Variants in DACH2 observed in about 807,000 individuals in gnomAD.
DACH2 encodes the protein dachshund homolog 2.
Under a neutral mutation model 35.8 loss-of-function variants are expected in DACH2, and 17 were observed. The observed-to-expected ratio is 0.48, with a 90% CI of 0.33 to 0.71. The LOEUF (loss-of-function observed/expected upper bound fraction) is 0.71, where lower values mean the gene tolerates loss of function less well. Ranked by LOEUF, DACH2 falls within the 30% of genes least tolerant of loss-of-function variation. The pLI, the probability that DACH2 is intolerant of heterozygous loss-of-function variation, is 0.02. For missense variants in DACH2, 469 were observed against 472.7 expected, an observed-to-expected ratio of 0.99 and a Z score of 0.07; for synonymous variants, 195 against 177.3, an observed-to-expected ratio of 1.10 and a Z score of -0.79.
intron 7 of DACH2, among the ~76,000 whole-genome samples, chrX:86,766,241 G>A (rs2041933645): frequency 9.0e-6 from 1 of 111,545 alleles, no homozygotes; most frequent in South Asian, 3.7e-4. Context: ...TCTGTTAAAA[G>A]TTCGTAAATC....
intron 1 of DACH2, among the ~76,000 whole-genome samples, chrX:86,198,140 TG>T (rs1281384066): frequency 3.6e-5 from 4 of 111,892 alleles, no homozygotes; most frequent in African/African-American, 1.3e-4. Context: ...ACATGGAAAT[TG>T]AATAACCTGC....
chrX:86,535,471 G>A (rs1169202505), intron 3 of DACH2, among the ~76,000 whole-genome samples: 1 of 111,474 alleles, frequency 9.0e-6, no homozygotes, highest in Non-Finnish European at 1.9e-5. Flanking sequence ...TGGGAAGCAG[G>A]GGTCAGGATG....
chrX:86,475,151 G>C (rs754865670), intron 2 of DACH2, among the ~76,000 whole-genome samples: 1 of 110,979 alleles, frequency 9.0e-6, no homozygotes, highest in African/African-American at 3.3e-5. Context: ...GGATAGTTTT[G>C]GTTATTCTGG....
At chrX:86,302,024 A>G (rs1290242947) in intron 1 of DACH2, among the ~76,000 whole-genome samples, 2 of 111,888 alleles carry the variant, frequency 1.8e-5, no homozygotes, top group Non-Finnish European at 3.8e-5. Context: ...TATCTGGGAA[A>G]GTTTTGACTT....
At chrX:86,750,081 T>C (rs1176798585) in intron 7 of DACH2, among the ~76,000 whole-genome samples, 1 of 111,354 alleles carries the variant, frequency 9.0e-6, no homozygotes, top group Non-Finnish European at 1.9e-5. Flanking sequence ...TATATGCCTT[T>C]TATTTCTATT....
chrX:86,465,155 G>A (rs1415500971), intron 2 of DACH2, among the ~76,000 whole-genome samples: 1 of 111,653 alleles, frequency 9.0e-6, no homozygotes, highest in Non-Finnish European at 1.9e-5. Context: ...TTCACAAATG[G>A]GGATTTTTGT....
intron 1 of DACH2, among the ~76,000 whole-genome samples, chrX:86,280,752 G>A (rs1359918622): frequency 1.8e-5 from 2 of 111,785 alleles, no homozygotes; most frequent in East Asian, 5.6e-4. Flanking sequence ...AAGGGATAGA[G>A]GAATATTTAC....
At chrX:86,175,303 T>TC (rs1490106302) in intron 1 of DACH2, among the ~76,000 whole-genome samples, 1 of 112,207 alleles carries the variant, frequency 8.9e-6, no homozygotes. Flanking sequence ...TGTTAATAAG[T>TC]CACATGAGAA....
At chrX:86,610,240 C>T (rs2039912361) in intron 3 of DACH2, among the ~76,000 whole-genome samples, 1 of 111,190 alleles carries the variant, frequency 9.0e-6, no homozygotes, top group African/African-American at 3.3e-5. Context: ...CCACAGCTAC[C>T]TCAGCCCCAT....
intron 6 of DACH2, among the ~76,000 whole-genome samples, chrX:86,729,561 G>A (rs1350691487): frequency 9.0e-6 from 1 of 111,279 alleles, no homozygotes; most frequent in Non-Finnish European, 1.9e-5. Flanking sequence ...GGGGTGTCTA[G>A]GGGTGGAATG....
intron 2 of DACH2, among the ~76,000 whole-genome samples, chrX:86,445,008 T>C (rs1308595987): frequency 9.0e-6 from 1 of 111,044 alleles, no homozygotes; most frequent in Non-Finnish European, 1.9e-5. Context: ...ATGGAATGCT[T>C]ATCAGAAAGG....
chrX:86,379,502 A>G (rs1235080991), intron 2 of DACH2, among the ~76,000 whole-genome samples: 1 of 110,474 alleles, frequency 9.1e-6, no homozygotes, highest in Non-Finnish European at 1.9e-5. Context: ...TAGGAAAAAA[A>G]AAAGAAAGAA....
chrX:86,616,262 A>T (rs1030037101), intron 3 of DACH2, among the ~76,000 whole-genome samples: 22 of 111,783 alleles, frequency 2.0e-4, no homozygotes, highest in African/African-American at 7.2e-4. Flanking sequence ...TAGTAGAAAG[A>T]TTTATATTCC....
chrX:86,436,702 A>T (rs2037073278), intron 2 of DACH2, among the ~76,000 whole-genome samples: 2 of 111,613 alleles, frequency 1.8e-5, no homozygotes, highest in South Asian at 7.4e-4. Flanking sequence ...AGAAAAGATT[A>T]TAGAGAATTG....
At chrX:86,663,844 A>C (rs1464125350) in intron 4 of DACH2, among the ~76,000 whole-genome samples, 1 of 111,651 alleles carries the variant, frequency 9.0e-6, no homozygotes, top group Admixed American at 9.5e-5. Flanking sequence ...CTCTAGCTGC[A>C]TCATAAATGG....
At chrX:86,567,784 A>C in intron 3 of DACH2, among the ~76,000 whole-genome samples, 1 of 111,155 alleles carries the variant, frequency 9.0e-6, no homozygotes, top group African/African-American at 3.3e-5. Context: ...TGAGTTTTTT[A>C]AAAGTCCACA....
intron 1 of DACH2, among the ~76,000 whole-genome samples, chrX:86,358,665 A>G (rs958848514): frequency 8.1e-5 from 9 of 111,607 alleles, no homozygotes; most frequent in Non-Finnish European, 1.7e-4. Context: ...TAGGTAGTGG[A>G]AAAATTCCTG....
intron 2 of DACH2, among the ~76,000 whole-genome samples, chrX:86,470,332 C>T (rs1301168142): frequency 1.8e-5 from 2 of 111,786 alleles, no homozygotes; most frequent in African/African-American, 3.2e-5. Context: ...GCCTAAGCAA[C>T]ATATGATAGA....
At chrX:86,422,177 A>G (rs1403494791) in intron 2 of DACH2, among the ~76,000 whole-genome samples, 1 of 111,075 alleles carries the variant, frequency 9.0e-6, no homozygotes, top group East Asian at 2.8e-4. Flanking sequence ...AACAGAAGGG[A>G]GCTGACATAT....
Sources: gnomAD v4.1 joint callset for allele counts (sites outside exome capture counted in the v4.1 genomes callset) on GRCh38, gnomAD v4.1.1 for gene constraint, MANE v1.5 for transcripts, NCBI Gene and HGNC (gene_info 2026-07-23, HGNC 2026-07-21) for gene names.